Variants in RSRC1 observed in about 807,000 individuals in gnomAD.
RSRC1 encodes the protein serine/Arginine-related protein 53.
A neutral mutation model predicts 49.1 loss-of-function variants in RSRC1; 39 were observed. The observed-to-expected ratio is 0.79, with a 90% CI of 0.61 to 1.04. The LOEUF (loss-of-function observed/expected upper bound fraction) is 1.04, where lower values mean the gene tolerates loss of function less well. Among genes scored for constraint, RSRC1 ranks in the 50% least tolerant of loss-of-function variants. RSRC1 has a pLI of 0.00. For missense variants in RSRC1, 388 were observed against 402.4 expected (o/e 0.96, Z 0.31); for synonymous variants, 143 against 130.8 (o/e 1.09, Z -0.63).
rs1486499328 is a variant in RSRC1 at position 158,124,100 on chromosome 3, A to T, written c.320+109A>T. The T allele has an allele frequency of 1.0e-5, 8 of 787,972 alleles. No individual in the cohort carries two copies. The Admixed American group carries it at 2.7e-4, about 27-fold the overall frequency. The allele number at this position is 787,972 out of a possible 1,614,324, so 48.8% of individuals were successfully genotyped here. A position where few individuals can be genotyped will look rare whatever the true frequency, so the allele number is the denominator to read the frequency against. On this transcript the variant is annotated intron_variant, in intron 3 of 9. Coordinates refer to ENST00000611884, the MANE Select transcript of RSRC1 (RefSeq NM_001271838.2). ...TAATTATATAATTTTGATTGAGCTTAGCTGGCACTTATTTTTTTCTCACCT... is the reference window on the plus strand; with the variant it reads ...TAATTATATAATTTTGATTGAGCTTTGCTGGCACTTATTTTTTTCTCACCT...
intron 6 of RSRC1, among the ~76,000 whole-genome samples, chr3:158,404,780 A>C (rs1242283956): frequency 1.3e-5 from 2 of 152,010 alleles, no homozygotes; most frequent in African/African-American, 4.8e-5. Flanking sequence ...TTAGTTCCTT[A>C]TTCTTCAATA....
At chr3:158,405,910 AAAATTTACTTTAAAGATAATATTACATTT>A (rs1366944566) in intron 6 of RSRC1, among the ~76,000 whole-genome samples, 1 of 152,142 alleles carries the variant, frequency 6.6e-6, no homozygotes, top group Non-Finnish European at 1.5e-5. Context: ...TAAAATTCTC[AAAATTTACTTTAAAGATAATATTACATTT>A]TCTAATTAAC....
intron 4 of RSRC1, among the ~76,000 whole-genome samples, chr3:158,241,931 A>C (rs963843808): frequency 4.6e-5 from 7 of 151,330 alleles, no homozygotes; most frequent in Non-Finnish European, 7.4e-5. Flanking sequence ...CAATTTAGTG[A>C]ATTTTTATGG....
rs1258201862 is a variant in RSRC1, at chr3:158,539,816, T to G, written c.759+2618T>G. ...AACCTCTGAGAGCTTCACCTTCTAT[T>G]ATGTGTAAGTACTTCTCAAAGAAAT... On this transcript the variant is annotated intron_variant, in intron 8 of 9. Transcript: ENST00000611884. This position sits in a 1 kb window ranked among gnomAD's most constrained non-coding sequence, Gnocchi z 4.1. Among the ~76,000 whole-genome samples the G allele has an allele frequency of 6.6e-6, 1 of 152,142 alleles. No homozygotes were observed. The highest frequency in any genetic ancestry group is 1.5e-5 in the Non-Finnish European group (1 of 68,000).
intron 4 of RSRC1, among the ~76,000 whole-genome samples, chr3:158,239,345 C>A (rs1345272499): frequency 1.3e-5 from 2 of 152,156 alleles, no homozygotes; most frequent in Non-Finnish European, 2.9e-5. Context: ...TTTGACACCG[C>A]AATTCCATTA....
chr3:158,209,889 T>G (rs1721567603), intron 4 of RSRC1, among the ~76,000 whole-genome samples: 1 of 152,162 alleles, frequency 6.6e-6, no homozygotes, highest in Non-Finnish European at 1.5e-5. Flanking sequence ...GTAATCATAC[T>G]TTATAGATAT....
chr3:158,124,548 C>T (rs1264425955), intron 3 of RSRC1, among the ~76,000 whole-genome samples: 1 of 152,022 alleles, frequency 6.6e-6, no homozygotes, highest in East Asian at 1.9e-4. Context: ...CTATCTGCTC[C>T]TGGGCTTTTC....
intron 4 of RSRC1, among the ~76,000 whole-genome samples, chr3:158,285,419 A>G (rs1726465018): frequency 6.6e-6 from 1 of 152,196 alleles, no homozygotes; most frequent in Non-Finnish European, 1.5e-5. Context: ...AGTTTTTGCC[A>G]ATTCTGTGAA....
intron 3 of RSRC1, among the ~76,000 whole-genome samples, chr3:158,143,718 G>C (rs1222356120): frequency 2.0e-5 from 3 of 152,014 alleles, no homozygotes; most frequent in African/African-American, 7.2e-5. Context: ...AACAAACCTT[G>C]AATTAGGGGT....
chr3:158,306,394 T>G (rs2108134605), intron 5 of RSRC1, among the ~76,000 whole-genome samples: 1 of 151,968 alleles, frequency 6.6e-6, no homozygotes, highest in East Asian at 1.9e-4. Flanking sequence ...AGCTGGTTTT[T>G]GCTGGAATTC....
intron 6 of RSRC1, among the ~76,000 whole-genome samples, chr3:158,384,083 T>TA (rs1732844827): frequency 6.6e-6 from 1 of 152,154 alleles, no homozygotes; most frequent in Non-Finnish European, 1.5e-5. Context: ...TATGTATTAG[T>TA]AATTTTATAT....
At chr3:158,463,680 A>G (rs1737734575) in intron 7 of RSRC1, among the ~76,000 whole-genome samples, 1 of 152,094 alleles carries the variant, frequency 6.6e-6, no homozygotes, top group Non-Finnish European at 1.5e-5. Flanking sequence ...GTGCCATGCA[A>G]ATTCATTCTA....
Position 158,544,422 on chromosome 3 carries a change from T to C in RSRC1, c.*147T>C. 1 of 446,822 alleles carries C rather than the reference T, an allele frequency of 2.2e-6. No homozygotes were observed. Among genetic ancestry groups the C allele is most frequent in the Non-Finnish European group, 4.0e-6 (1 of 252,282 alleles). 27.7% of individuals were successfully genotyped at this position (446,822 alleles called of 1,614,324 possible). ...CATTTCATTTGTCTCTCATGTAGGC[T>C]TGAATATTTGTTAATTTGAATTAAA... is the stretch of plus-strand genomic sequence containing the variant. On this transcript the variant is annotated 3_prime_UTR_variant, in exon 10 of 10. Coordinates refer to ENST00000611884, the MANE Select transcript of RSRC1 (RefSeq NM_001271838.2).
At chr3:158,111,772 G>A (rs1338276627) in intron 1 of RSRC1, among the ~76,000 whole-genome samples, 2 of 152,194 alleles carry the variant, frequency 1.3e-5, no homozygotes, top group East Asian at 1.9e-4. Context: ...TAGTGGAGAA[G>A]TAATTATAAG....
chr3:158,242,032 CTTTTTTTT>C (rs34356543), intron 4 of RSRC1, among the ~76,000 whole-genome samples: 11 of 66,616 alleles, frequency 1.7e-4, no homozygotes, highest in African/African-American at 2.0e-4. Flanking sequence ...AATTTCCAAC[CTTTTTTTT>C]TTTTTTTTTT....
chr3:158,511,249 C>T (rs1301890673), intron 7 of RSRC1, among the ~76,000 whole-genome samples: 1 of 152,034 alleles, frequency 6.6e-6, no homozygotes, highest in Non-Finnish European at 1.5e-5. Context: ...AATGCTATCC[C>T]TTCCCCCTCC....
At chr3:158,337,067 T>C (rs1012639604) in intron 5 of RSRC1, among the ~76,000 whole-genome samples, 1 of 152,194 alleles carries the variant, frequency 6.6e-6, no homozygotes, top group African/African-American at 2.4e-5. Flanking sequence ...GAACCACATT[T>C]ATGATCCTGT....
chr3:158,408,091 T>C (rs1302639839), intron 6 of RSRC1, among the ~76,000 whole-genome samples: 1 of 152,184 alleles, frequency 6.6e-6, no homozygotes, highest in Non-Finnish European at 1.5e-5. Flanking sequence ...GGTCAGGGAA[T>C]GATATACAGT....
At chr3:158,343,290 G>A (rs1335355289) in intron 5 of RSRC1, among the ~76,000 whole-genome samples, 1 of 152,256 alleles carries the variant, frequency 6.6e-6, no homozygotes, top group African/African-American at 2.4e-5. Context: ...AGGATGCGAA[G>A]GGATCAAACT....
Sources: gnomAD v4.1 joint callset for allele counts (sites outside exome capture counted in the v4.1 genomes callset) on GRCh38, gnomAD v4.1.1 for gene constraint, Gnocchi (gnomAD v3.1) non-coding constraint, MANE v1.5 for transcripts, NCBI Gene and HGNC (gene_info 2026-07-23, HGNC 2026-07-21) for gene names.